The following POLD2 variants were observed in gnomAD, a reference collection of about 807,000 sequenced individuals.
POLD2 encodes DNA polymerase delta 2, accessory subunit.
POLD2 carries 31 observed loss-of-function variants against 48.8 expected under a neutral mutation model. That is an observed-to-expected ratio of 0.64 (90% CI 0.48 to 0.86). The LOEUF (loss-of-function observed/expected upper bound fraction) is 0.86, where lower values mean the gene tolerates loss of function less well. POLD2 is among the 40% of genes least tolerant of loss of function. The probability of loss-of-function intolerance (pLI) is 0.00; values close to 1 mark genes in which losing one functional copy is unlikely to be tolerated. For synonymous variants in POLD2, 233 were observed against 256.3 expected (o/e 0.91, Z 0.87); for missense variants, 455 against 610.1 (o/e 0.75, Z 2.68).
Position 44,117,194 on chromosome 7 carries a change from C to T in POLD2, c.520G>A (p.Glu174Lys). The T allele has an allele frequency of 2.5e-6, 4 of 1,614,048 alleles. No homozygotes were observed. The highest frequency in any genetic ancestry group is 2.2e-5 in the South Asian group (2 of 91,072). Residue 174 changes from glutamate to lysine, a missense_variant, in exon 5 of 11, where the codon GAG becomes AAG. Glu to Lys is a moderately conservative substitution (Grantham distance 56, BLOSUM62 1). Coordinates refer to ENST00000610533, the MANE Select transcript of POLD2 (RefSeq NM_006230.4). ...GCAAGGTCAGCAAAGCAATAGTCCT[C>T]CACCAGAAACTTCCCGTCGTCTCTC... Reference protein sequence around the residue: ...SVRDDGKFLVEDYCFADLAPQ... With the variant: ...SVRDDGKFLVKDYCFADLAPQ...
Position 44,114,817 on chromosome 7 carries a change from C to T in POLD2, c.1378G>A (p.Asp460Asn), listed in dbSNP as rs752936314. Reference sequence around the variant, plus strand: ...CCCAGCCCCAGGCCTCCCAGGTCATCGTCCTCTGCCCCGAAGCCCGAGAAG... The same window carrying T: ...CCCAGCCCCAGGCCTCCCAGGTCATTGTCCTCTGCCCCGAAGCCCGAGAAG... ...ISFSGFGAED[D>N]DLGGLGLGP is the part of the protein sequence containing the mutation. Residue 460 changes from aspartate to asparagine, a missense_variant, in exon 11 of 11, where the codon GAT (aspartate) becomes AAT (asparagine). By Grantham distance (23) the Asp-to-Asn change is conservative. This residue lies in a region of POLD2 where 98 missense variants were observed against 138.6 expected (regional missense o/e 0.71). Transcript: ENST00000610533. 38 of 1,613,018 alleles carry T rather than the reference C, an allele frequency of 2.4e-5. No individual in the cohort carries two copies. The Admixed American group carries it at 4.5e-4, about 19-fold the overall frequency.
chr7:44,123,701 C>T (rs1216118279), upstream of POLD2: 2 of 1,350,410 alleles, frequency 1.5e-6, no homozygotes, highest in African/African-American at 1.5e-5. Context: ...CCAGAGAACG[C>T]GGAGCCACAC....
chr7:44,124,131 C>G (rs1022840751), upstream of POLD2, among the ~76,000 whole-genome samples: 3 of 152,182 alleles, frequency 2.0e-5, no homozygotes, highest in African/African-American at 7.2e-5. Context: ...GGGGTCCTCC[C>G]TAGCTTGCCC....
intron 2 of POLD2, 32 bp from the exon 3 acceptor site, chr7:44,118,096 A>G: frequency 1.9e-6 from 3 of 1,611,690 alleles, no homozygotes; most frequent in Non-Finnish European, 2.5e-6. Context: ...CTCAGAGATG[A>G]AGTAGCCCCC....
At position 44,116,683 on chromosome 7, in the gene POLD2, CCA is replaced by C; in HGVS notation, c.780+132_780+133del. On this transcript the variant is annotated intron_variant, in intron 6 of 10. Transcript: ENST00000610533. The surrounding 1 kb of genome is among the most constrained non-coding windows in gnomAD (Gnocchi z 6.1). ...ATGAGGAGCCCCATTGCAGGAGGCC[CCA>C]GAGTCACTGCAGGGCGCTTCCCACC... 3.8e-6 allele frequency: 4 copies of C among 1,062,274 alleles called. No homozygotes were observed. The Admixed American group carries it at 8.3e-5, about 22-fold the overall frequency. 65.8% of individuals were successfully genotyped at this position (1,062,274 alleles called of 1,614,324 possible).
In POLD2 at chr7:44,115,368, C is replaced by G; in HGVS notation, c.1176G>C (p.Pro392=). The change falls in exon 10 of 11, where the codon CCG becomes CCC. Residue 392 remains proline, a synonymous_variant. Transcript: ENST00000610533. ...CATGCGGGCACTCTGGGAAGATGAACGGGTCAGTTTTGTAGAAGGGGTAAC... is the reference window on the plus strand; with the variant it reads ...CATGCGGGCACTCTGGGAAGATGAAGGGGTCAGTTTTGTAGAAGGGGTAAC... The part of the protein sequence containing the change: ...LGCYPFYKTD[P]FIFPECPHVY... 1 of 1,613,740 alleles carries G rather than the reference C, an allele frequency of 6.2e-7. No homozygotes were observed.
At chr7:44,123,769 G>A (rs532937845), upstream of POLD2, 35 of 1,268,778 alleles carry the variant, frequency 2.8e-5, no homozygotes, top group Non-Finnish European at 3.5e-5. Context: ...GCGGGTCTTT[G>A]GTTGGCGGCC....
chr7:44,117,156 G>T lies in POLD2; in HGVS notation c.558C>A (p.Pro186=), dbSNP rs776265120. The change falls in exon 5 of 11, where the codon CCC becomes CCA. Residue 186 remains proline (P), a synonymous_variant. Coordinates refer to ENST00000610533, the MANE Select transcript of POLD2 (RefSeq NM_006230.4). ...YCFADLAPQK[P]APPLDTDRFV... ...ACCTATCTGTGTCAAGTGGGGGTGC[G>T]GGCTTCTGGGGAGCAAGGTCAGCAA... 1.9e-6 allele frequency: 3 copies of T among 1,613,798 alleles called. No individual in the cohort carries two copies. The highest frequency in any genetic ancestry group is 2.5e-6 in the Non-Finnish European group (3 of 1,179,856).
chr7:44,116,092 T>G lies in POLD2; in HGVS notation c.1019+23A>C, dbSNP rs1351619383. The G allele has an allele frequency of 6.2e-7, 1 of 1,613,180 alleles. No individual in the cohort carries two copies. Among genetic ancestry groups the G allele is most frequent in the Admixed American group, 1.7e-5 (1 of 60,020 alleles). ...CCTGAGGCAAAAGGCTGGGTCAGAC[T>G]GAAGTGTGGCTGTGCCAGCTACCTG... On this transcript the variant is annotated intron_variant, in intron 8 of 10. Transcript: ENST00000610533. This position sits in a 1 kb window ranked among gnomAD's most constrained non-coding sequence, Gnocchi z 6.1.
chr7:44,122,041 G>C lies in POLD2; in HGVS notation c.13C>G (p.Gln5Glu). The C allele has an allele frequency of 6.2e-7, 1 of 1,612,978 alleles. No homozygotes were observed. Among genetic ancestry groups the C allele is most frequent in the Non-Finnish European group, 8.5e-7 (1 of 1,179,988 alleles). The part of the protein sequence containing the change: MFSE[Q>E]AAQRAHTLLS... ...AGAGTGTGGGCCCTCTGGGCAGCCT[G>C]CTCAGAAAACATGGCCACACTCCTG... The change falls in exon 2 of 11, where the codon CAG becomes GAG. Residue 5 changes from glutamine to glutamate, a missense_variant. By Grantham distance (29) the Gln-to-Glu change is conservative. This residue lies in a region of POLD2 where 349 missense variants were observed against 437.4 expected (regional missense o/e 0.80). Transcript: ENST00000610533.
In POLD2 at chr7:44,114,907, C is replaced by T. The variant is rs1408163572; in HGVS notation, c.1288G>A (p.Asp430Asn). The stretch of plus-strand genomic sequence containing the variant: ...CAGGCGGTCTGCGTGGCACTGAAGT[C>T]AGGGACAGTCACCAACAGCACTGTC... ...DQTVLLVTVP[D>N]FSATQTACLV... The change falls in exon 11 of 11, where the codon GAC becomes AAC. Residue 430 changes from aspartate (D) to asparagine (N), a missense_variant. Transcript: ENST00000610533. The T allele has an allele frequency of 6.2e-7, 1 of 1,613,226 alleles. No individual in the cohort carries two copies. The highest frequency in any genetic ancestry group is 8.5e-7 in the Non-Finnish European group (1 of 1,179,492).
rs755388638 is a variant in POLD2 at position 44,116,290 on chromosome 7, G to A, written c.862-18C>T. The A allele has an allele frequency of 6.2e-7, 1 of 1,601,590 alleles. No homozygotes were observed. Among genetic ancestry groups the A allele is most frequent in the Admixed American group, 1.7e-5 (1 of 59,370 alleles). ...ACTGAGGCCTGGAAGGCACAGGGCA[G>A]GGAGAGCTCACAGGGCCCCGAAGGA... On this transcript the variant is annotated intron_variant, in intron 7 of 10. Coordinates refer to ENST00000610533, the MANE Select transcript of POLD2 (RefSeq NM_006230.4). This position sits in a 1 kb window ranked among gnomAD's most constrained non-coding sequence, Gnocchi z 6.1.
intron 2 of POLD2, among the ~76,000 whole-genome samples, chr7:44,119,413 A>G (rs1456945958): frequency 1.3e-5 from 2 of 152,180 alleles, no homozygotes; most frequent in East Asian, 3.9e-4. Flanking sequence ...CCTCAAATCT[A>G]CGCCCTAGGG....
chr7:44,123,241 GA>G (rs1353270047), intron 1 of POLD2: 7 of 1,348,080 alleles, frequency 5.2e-6, no homozygotes, highest in Non-Finnish European at 6.6e-6. Context: ...ACTGGCCTGG[GA>G]CACAGGCTCC....
intron 8 of POLD2, 48 bp from the exon 9 acceptor site, chr7:44,115,941 G>A: frequency 6.2e-7 from 1 of 1,613,794 alleles, no homozygotes; most frequent in Admixed American, 1.7e-5. Context: ...GCCACCCATA[G>A]TGGTCAGCCC....
Position 44,118,030 on chromosome 7 carries a change from C to T in POLD2, c.255G>A (p.Leu85=). ...SGVGVKKLCE[L]QPEEKCCVVG... ...CCACACAGCACTTCTCCTCAGGCTG[C>T]AGTTCACACAGCTTCTTCACTCCCA... is the stretch of plus-strand genomic sequence containing the variant. Residue 85 remains leucine (L), a synonymous_variant, in exon 3 of 11, where the codon CTG becomes CTA. Coordinates refer to ENST00000610533, the MANE Select transcript of POLD2 (RefSeq NM_006230.4). 1 of 1,614,218 alleles carries T rather than the reference C, an allele frequency of 6.2e-7. No individual in the cohort carries two copies. Among genetic ancestry groups the T allele is most frequent in the Non-Finnish European group, 8.5e-7 (1 of 1,180,014 alleles).
Position 44,116,233 on chromosome 7 carries a change from G to C in POLD2, c.901C>G (p.Pro301Ala), listed in dbSNP as rs1480562194. 6.2e-7 allele frequency: 1 copy of C among 1,613,240 alleles called. No homozygotes were observed. The highest frequency in any genetic ancestry group is 8.5e-7 in the Non-Finnish European group (1 of 1,179,570). Reference sequence around the variant, plus strand: ...TGCTGGGGGAGCGTGTAATTGGTGGGATCAAACTCGCCTGGCATCACGTCC... The same window carrying C: ...TGCTGGGGGAGCGTGTAATTGGTGGCATCAAACTCGCCTGGCATCACGTCC... ...PVDVMPGEFD[P>A]TNYTLPQQPL... Residue 301 changes from proline to alanine, a missense_variant, in exon 8 of 11, where the codon CCC (proline) becomes GCC (alanine). Pro to Ala is a conservative substitution (Grantham distance 27, BLOSUM62 -1). Transcript: ENST00000610533. The surrounding 1 kb of genome is among the most constrained non-coding windows in gnomAD (Gnocchi z 6.1).
Position 44,116,935 on chromosome 7 carries a change from A to G in POLD2, c.662T>C (p.Val221Ala). The G allele has an allele frequency of 1.2e-6, 2 of 1,613,834 alleles. No homozygotes were observed. Among genetic ancestry groups the G allele is most frequent in the Non-Finnish European group, 1.7e-6 (2 of 1,179,978 alleles). Residue 221 changes from valine to alanine, a missense_variant, in exon 6 of 11, where the codon GTG (valine) becomes GCG (alanine). Coordinates refer to ENST00000610533, the MANE Select transcript of POLD2 (RefSeq NM_006230.4). This position sits in a 1 kb window ranked among gnomAD's most constrained non-coding sequence, Gnocchi z 6.1. Reference protein sequence around the residue: ...SLLGTQLLVDVVTGQLGDEGE... With the variant: ...SLLGTQLLVDAVTGQLGDEGE... Reference sequence around the variant, plus strand: ...TTCGTCCCCAAGCTGCCCCGTCACCACATCCACCAGCAGCTGGGTGCCCAG... The same window carrying G: ...TTCGTCCCCAAGCTGCCCCGTCACCGCATCCACCAGCAGCTGGGTGCCCAG...
In POLD2 at chr7:44,116,098, G is replaced by T. The variant is rs1374332531; in HGVS notation, c.1019+17C>A. The stretch of plus-strand genomic sequence containing the variant: ...GCAAAAGGCTGGGTCAGACTGAAGT[G>T]TGGCTGTGCCAGCTACCTGACTCCA... On this transcript the variant is annotated intron_variant, in intron 8 of 10. Transcript: ENST00000610533. The surrounding 1 kb of genome is among the most constrained non-coding windows in gnomAD (Gnocchi z 6.1). 6.2e-7 allele frequency: 1 copy of T among 1,613,216 alleles called. No individual in the cohort carries two copies. The highest frequency in any genetic ancestry group is 1.3e-5 in the African/African-American group (1 of 74,918).
Sources: gnomAD v4.1 joint callset for allele counts (sites outside exome capture counted in the v4.1 genomes callset) on GRCh38, gnomAD v4.1.1 for gene constraint, gnomAD v4.1.1 regional missense constraint, Gnocchi (gnomAD v3.1) non-coding constraint, MANE v1.5 for transcripts, NCBI Gene and HGNC (gene_info 2026-07-23, HGNC 2026-07-21) for gene names.